Variants in AK8 observed in about 807,000 individuals in gnomAD.
AK8 encodes the protein adenylate kinase 8.
Under a neutral mutation model 54.6 loss-of-function variants are expected in AK8, and 44 were observed. The observed-to-expected ratio is 0.81, with a 90% confidence interval of 0.63 to 1.04. AK8 has a LOEUF of 1.04. AK8 is among the 50% of genes least tolerant of loss of function. The pLI, the probability that AK8 is intolerant of heterozygous loss-of-function variation, is 0.00. For missense variants in AK8, 555 were observed against 613.6 expected (o/e 0.90, Z 1.01); for synonymous variants, 239 against 245.6 (o/e 0.97, Z 0.25).
chr9:132,877,414 T>C (rs1023357101), intron 1 of AK8, among the ~76,000 whole-genome samples: 3 of 152,146 alleles, frequency 2.0e-5, no homozygotes, highest in African/African-American at 7.2e-5. Context: ...GGGTGTACCC[T>C]GGGAAGCAGA....
At chr9:132,838,263 T>C (rs1048655566) in intron 5 of AK8, among the ~76,000 whole-genome samples, 1 of 151,990 alleles carries the variant, frequency 6.6e-6, no homozygotes, top group Non-Finnish European at 1.5e-5. Flanking sequence ...AAAAAGACTA[T>C]AGAAACCCAC....
chr9:132,747,722 T>C (rs946142964), intron 11 of AK8, among the ~76,000 whole-genome samples: 1 of 149,504 alleles, frequency 6.7e-6, no homozygotes, highest in Non-Finnish European at 1.5e-5. Flanking sequence ...TGAGCCACCA[T>C]GCCTGGCCTT....
At chr9:132,776,434 G>T (rs116389424) in intron 11 of AK8, among the ~76,000 whole-genome samples, 37 of 152,340 alleles carry the variant, frequency 2.4e-4, no homozygotes, top group African/African-American at 7.9e-4. Context: ...TGAGAGTCCC[G>T]AGAGTCCTGT....
chr9:132,795,919 T>A (rs1254998594), intron 10 of AK8, among the ~76,000 whole-genome samples: 1 of 152,210 alleles, frequency 6.6e-6, no homozygotes, highest in Admixed American at 6.5e-5. Context: ...GCCTCCATTG[T>A]TTAGCGGTGA....
At chr9:132,820,170 G>T (rs957780190) in intron 9 of AK8, among the ~76,000 whole-genome samples, 8 of 138,410 alleles carry the variant, frequency 5.8e-5, no homozygotes, top group African/African-American at 2.2e-4. Context: ...AAAAGACAAA[G>T]GGAAGGAAGG....
chr9:132,736,784 CAAAA>C (rs201150328), intron 11 of AK8, among the ~76,000 whole-genome samples: 1 of 66,240 alleles, frequency 1.5e-5, no homozygotes, highest in Non-Finnish European at 2.8e-5. Flanking sequence ...GAATCCATCT[CAAAA>C]AAAAAAAAAA....
chr9:132,798,424 A>G, intron 10 of AK8, among the ~76,000 whole-genome samples: 1 of 152,152 alleles, frequency 6.6e-6, no homozygotes, highest in East Asian at 1.9e-4. Context: ...GCTCTGCCAG[A>G]AGTTTCGAGT....
intron 5 of AK8, among the ~76,000 whole-genome samples, chr9:132,836,022 C>G (rs1588191550): frequency 6.6e-6 from 1 of 152,174 alleles, no homozygotes. Context: ...ACTCAGGAGG[C>G]TGAGGCAGGA....
intron 10 of AK8, among the ~76,000 whole-genome samples, chr9:132,793,162 G>A (rs893861452): frequency 2.6e-5 from 4 of 152,166 alleles, no homozygotes; most frequent in African/African-American, 7.2e-5. Flanking sequence ...CCTGGAAAGG[G>A]CCTATTTTCT....
intron 11 of AK8, among the ~76,000 whole-genome samples, chr9:132,757,803 C>A (rs747056038): frequency 2.2e-4 from 34 of 152,142 alleles, no homozygotes; most frequent in Non-Finnish European, 4.6e-4. Flanking sequence ...GTAATATAGC[C>A]ATTCCTGAAA....
At chr9:132,796,613 A>C (rs1257273924) in intron 10 of AK8, among the ~76,000 whole-genome samples, 8 of 152,200 alleles carry the variant, frequency 5.3e-5, no homozygotes, top group Admixed American at 5.2e-4. Flanking sequence ...TTTAAAAACA[A>C]TCTCTATATT....
At position 132,826,667 on chromosome 9, in the gene AK8, A is replaced by G. The variant is rs1841881697; in HGVS notation, c.757+187T>C. 6.6e-6 allele frequency among the ~76,000 whole-genome samples: 1 copy of G among 152,024 alleles called. No homozygotes were observed. The highest frequency in any genetic ancestry group is 1.5e-5 in the Non-Finnish European group (1 of 68,018). On this transcript the variant is annotated intron_variant, in intron 8 of 12. Coordinates refer to ENST00000298545, the MANE Select transcript of AK8 (RefSeq NM_152572.3). The surrounding 1 kb of genome is among the most constrained non-coding windows in gnomAD (Gnocchi z 4.5). ...TTAGCCCAGGGTCTCCAAGTGGGGT[A>G]CCCCCAGGGGCTCTGCACACATGCA...
rs572740153 is a variant in AK8, at chr9:132,869,827, T to C, written c.170-2874A>G. 9.2e-5 allele frequency among the ~76,000 whole-genome samples: 14 copies of C among 151,532 alleles called. 1 individual carries two copies. In the East Asian group the frequency reaches 2.2e-3, roughly 24 times the overall value. On this transcript the variant is annotated intron_variant, in intron 2 of 12. Coordinates refer to ENST00000298545, the MANE Select transcript of AK8 (RefSeq NM_152572.3). The stretch of plus-strand genomic sequence containing the variant: ...TGGGGAGGAGTGGCAGGGAGGGTGG[T>C]CAAGGGTGGAGGAGCCTTGGGCCAC...
At chr9:132,817,954 A>AT (rs1418893523) in intron 9 of AK8, among the ~76,000 whole-genome samples, 7 of 152,340 alleles carry the variant, frequency 4.6e-5, no homozygotes, top group African/African-American at 1.7e-4. Flanking sequence ...AGAAAATATT[A>AT]ACAGCAGCTG....
At chr9:132,752,951 T>A (rs2131023349) in intron 11 of AK8, among the ~76,000 whole-genome samples, 1 of 152,290 alleles carries the variant, frequency 6.6e-6, no homozygotes, top group African/African-American at 2.4e-5. Flanking sequence ...CGTCGCCTCC[T>A]CCCATGGGAA....
intron 3 of AK8, among the ~76,000 whole-genome samples, chr9:132,865,907 T>C (rs1303374870): frequency 6.6e-6 from 1 of 152,068 alleles, no homozygotes; most frequent in Non-Finnish European, 1.5e-5. Flanking sequence ...TACTTAAAAA[T>C]GGACCTTAGG....
chr9:132,852,769 C>CAAAAAAA (rs35786801), intron 5 of AK8, among the ~76,000 whole-genome samples: 2 of 16,404 alleles, frequency 1.2e-4, no homozygotes, highest in African/African-American at 2.0e-4. Context: ...GATTAGGTCT[C>CAAAAAAA]AAAAAAAAAA....
At chr9:132,795,340 C>T (rs1840113159) in intron 10 of AK8, among the ~76,000 whole-genome samples, 1 of 152,142 alleles carries the variant, frequency 6.6e-6, no homozygotes, top group Non-Finnish European at 1.5e-5. Context: ...ACCCCCTGTA[C>T]ACTCGGGGTG....
chr9:132,732,173 A>G (rs1836874394), intron 11 of AK8, among the ~76,000 whole-genome samples: 1 of 152,136 alleles, frequency 6.6e-6, no homozygotes, highest in South Asian at 2.1e-4. Flanking sequence ...CCCCTTTTCT[A>G]TATGTAAATA....
Sources: allele counts gnomAD v4.1 joint callset (sites outside exome capture counted in the v4.1 genomes callset), GRCh38; gene constraint gnomAD v4.1.1; non-coding constraint Gnocchi (gnomAD v3.1); transcripts MANE v1.5; gene names NCBI Gene and HGNC (gene_info 2026-07-23, HGNC 2026-07-21).